The following SLX9 variants were observed in gnomAD, a reference collection of about 807,000 sequenced individuals.
SLX9 encodes ribosome biogenesis protein SLX9 homolog.
In SLX9, 19 loss-of-function variants were observed where a neutral mutation model predicts 20.8. The observed-to-expected ratio is 0.91, with a 90% confidence interval of 0.64 to 1.34. SLX9 has a LOEUF of 1.34. Ranked by LOEUF, SLX9 falls within the 40% of genes most tolerant of loss-of-function variation. The probability of loss-of-function intolerance (pLI) is 0.00; values close to 1 mark genes in which losing one functional copy is unlikely to be tolerated. For missense variants in SLX9, 299 were observed against 322.2 expected (o/e 0.93, Z 0.55); for synonymous variants, 113 against 137.1 (o/e 0.82, Z 1.23).
rs143135575 is a variant in SLX9 at position 44,968,807 on chromosome 21, G to T, written c.500+1626G>T. On this transcript the variant is annotated intron_variant, in intron 4 of 5. Transcript: ENST00000291634. Reference sequence around the variant, plus strand: ...CTTGCTCTGTCCCCCAGGCTGGAGTGCAGTGGCACGATCTTGGCTCACTGC... The same window carrying T: ...CTTGCTCTGTCCCCCAGGCTGGAGTTCAGTGGCACGATCTTGGCTCACTGC... Among the ~76,000 whole-genome samples the T allele has an allele frequency of 2.8e-4, 41 of 148,778 alleles. 3 individuals are homozygous for T. In the East Asian group the frequency reaches 7.8e-3, roughly 28 times the overall value.
intron 2 of SLX9, among the ~76,000 whole-genome samples, chr21:44,956,077 A>G (rs768321921): frequency 1.3e-5 from 2 of 152,234 alleles, no homozygotes; most frequent in African/African-American, 2.4e-5. Flanking sequence ...TTCAGCCTTC[A>G]TCGCTGTGAG....
chr21:44,965,727 T>C (rs1266131592), intron 3 of SLX9, among the ~76,000 whole-genome samples: 2 of 152,162 alleles, frequency 1.3e-5, no homozygotes, highest in Non-Finnish European at 2.9e-5. Context: ...TTGAAAGGCT[T>C]CTGGCTTTGG....
Position 44,976,753 on chromosome 21 carries a change from G to C in SLX9, c.643G>C (p.Gly215Arg). The change falls in exon 6 of 6, where the codon GGG (glycine) becomes CGG (arginine). Residue 215 changes from glycine to arginine, a missense_variant. Transcript: ENST00000291634. ...CAGAGCCAGCCCCCTGGTGGCCATCGGGCAGACGCTGGCCCGGCAGATGCA... is the reference window on the plus strand; with the variant it reads ...CAGAGCCAGCCCCCTGGTGGCCATCCGGCAGACGCTGGCCCGGCAGATGCA... ...AYRASPLVAI[G>R]QTLARQMQLE... is the part of the protein sequence containing the mutation. 1 of 1,559,080 alleles carries C rather than the reference G, an allele frequency of 6.4e-7. No homozygotes were observed. The highest frequency in any genetic ancestry group is 1.2e-5 in the South Asian group (1 of 85,006).
intron 1 of SLX9, among the ~76,000 whole-genome samples, 190 bp downstream of exon 1, chr21:44,940,376 C>T (rs914645228): frequency 6.6e-6 from 1 of 152,226 alleles, no homozygotes; most frequent in Non-Finnish European, 1.5e-5. Flanking sequence ...TCTGCGCTGC[C>T]GTCCTGGGCA....
chr21:44,951,667 G>A (rs922924530), intron 2 of SLX9, among the ~76,000 whole-genome samples: 9 of 152,162 alleles, frequency 5.9e-5, no homozygotes, highest in African/African-American at 1.7e-4. Flanking sequence ...CCCTGCCCCC[G>A]GAGCCGCCCG....
intron 4 of SLX9, among the ~76,000 whole-genome samples, chr21:44,972,231 C>T (rs921683851): frequency 3.3e-5 from 5 of 152,134 alleles, no homozygotes; most frequent in African/African-American, 4.8e-5. Flanking sequence ...TGTGGCCTTG[C>T]GGGTTCTCTG....
intron 3 of SLX9, among the ~76,000 whole-genome samples, chr21:44,961,237 T>C (rs1036224753): frequency 7.3e-6 from 1 of 136,614 alleles, no homozygotes; most frequent in Admixed American, 7.0e-5. Context: ...CACTTGGTCC[T>C]TTTTTTTTGT....
chr21:44,964,351 C>T (rs1345747793), intron 3 of SLX9, among the ~76,000 whole-genome samples: 1 of 151,898 alleles, frequency 6.6e-6, no homozygotes, highest in Non-Finnish European at 1.5e-5. Context: ...TGCTTTTTTT[C>T]CCCAATATGT....
intron 1 of SLX9, 65 bp from the exon 2 acceptor site, chr21:44,943,619 C>T (rs1168962047): frequency 6.3e-7 from 1 of 1,588,000 alleles, no homozygotes; most frequent in Non-Finnish European, 8.6e-7. Context: ...CCTTTAACGT[C>T]CCTCTGAAAC....
At chr21:44,949,852 C>G (rs1179638010) in intron 2 of SLX9, among the ~76,000 whole-genome samples, 2 of 152,218 alleles carry the variant, frequency 1.3e-5, no homozygotes, top group African/African-American at 4.8e-5. Context: ...CCACTCCACC[C>G]CCAGGCACCT....
At chr21:44,955,802 A>T (rs759679419) in intron 2 of SLX9, among the ~76,000 whole-genome samples, 6 of 152,202 alleles carry the variant, frequency 3.9e-5, no homozygotes, top group Admixed American at 1.3e-4. Flanking sequence ...CTCTATAGGG[A>T]GTGTGGGCCA....
At chr21:44,956,316 T>C (rs2084856994) in intron 2 of SLX9, among the ~76,000 whole-genome samples, 1 of 152,160 alleles carries the variant, frequency 6.6e-6, no homozygotes, top group Admixed American at 6.5e-5. Flanking sequence ...TGCAGTGGTT[T>C]TGTAGTAGTG....
At chr21:44,965,147 T>C (rs2085011677) in intron 3 of SLX9, among the ~76,000 whole-genome samples, 1 of 152,240 alleles carries the variant, frequency 6.6e-6, no homozygotes, top group African/African-American at 2.4e-5. Flanking sequence ...AGTTTAGAAT[T>C]AGCTGCACAG....
chr21:44,965,354 G>GCCTCGCTCCCTC (rs1424864002), intron 3 of SLX9, among the ~76,000 whole-genome samples: 3 of 152,026 alleles, frequency 2.0e-5, no homozygotes, highest in Non-Finnish European at 4.4e-5. Flanking sequence ...CCCCGCCACT[G>GCCTCGCTCCCTC]CCTCGCTCCC....
At chr21:44,948,137 C>T (rs561400993) in intron 2 of SLX9, among the ~76,000 whole-genome samples, 7 of 152,374 alleles carry the variant, frequency 4.6e-5, no homozygotes, top group African/African-American at 1.4e-4. Context: ...TCCTTGGCAT[C>T]GGACATCCGG....
intron 2 of SLX9, among the ~76,000 whole-genome samples, chr21:44,948,305 TCCGGGGAG>T (rs2084685496): frequency 9.0e-6 from 1 of 111,382 alleles, no homozygotes; most frequent in Non-Finnish European, 1.8e-5. Flanking sequence ...CATCGGGCGG[TCCGGGGAG>T]CTGGTCGTGG....
intron 5 of SLX9, among the ~76,000 whole-genome samples, chr21:44,974,222 G>A (rs1332191367): frequency 1.3e-5 from 2 of 149,200 alleles, no homozygotes; most frequent in East Asian, 2.0e-4. Context: ...GCTTTACTCA[G>A]GTGTTTATCA....
chr21:44,959,258 G>A, intron 2 of SLX9: 1 of 985,416 alleles, frequency 1.0e-6, no homozygotes, highest in Non-Finnish European at 1.2e-6. Context: ...AGGAAGGTCT[G>A]CATGAATTAA....
At chr21:44,943,489 G>A (rs371438629) in intron 1 of SLX9, among the ~76,000 whole-genome samples, 195 bp from the exon 2 acceptor site, 1 of 152,174 alleles carries the variant, frequency 6.6e-6, no homozygotes, top group Admixed American at 6.5e-5. Flanking sequence ...GGCGCTGCGG[G>A]TCTGCCCTGG....
Sources: gnomAD v4.1 joint callset for allele counts (sites outside exome capture counted in the v4.1 genomes callset) on GRCh38, gnomAD v4.1.1 for gene constraint, MANE v1.5 for transcripts, NCBI Gene and HGNC (gene_info 2026-07-23, HGNC 2026-07-21) for gene names.